NTN1: variants seen among roughly 807,000 people sequenced by gnomAD.
The protein encoded by NTN1 is netrin 1.
A neutral mutation model predicts 54.2 loss-of-function variants in NTN1; 11 were observed. The observed-to-expected ratio is 0.20, with a 90% CI of 0.13 to 0.34. The LOEUF is 0.34. NTN1 is among the 10% of genes least tolerant of loss of function. The probability of loss-of-function intolerance (pLI) is 1.00; values close to 1 mark genes in which losing one functional copy is unlikely to be tolerated. For missense variants in NTN1, 740 were observed against 893.1 expected, an observed-to-expected ratio of 0.83 and a Z score of 2.18; for synonymous variants, 371 against 382.0, an observed-to-expected ratio of 0.97 and a Z score of 0.33.
At chr17:9,010,935 G>A in the NTN1 span, among the ~76,000 whole-genome samples, 1 of 152,162 alleles carries the variant, frequency 6.6e-6, no homozygotes, top group South Asian at 2.1e-4. Context: ...TCACCATCAT[G>A]TAGAATCAGT....
chr17:9,035,852 T>C (rs1358216236), intron 2 of NTN1, among the ~76,000 whole-genome samples: 2 of 152,080 alleles, frequency 1.3e-5, no homozygotes, highest in Non-Finnish European at 2.9e-5. Context: ...TGAAACCCCA[T>C]CTCTACTAAA....
intron 6 of NTN1, among the ~76,000 whole-genome samples, chr17:9,237,985 A>G (rs1906048443): frequency 6.6e-6 from 1 of 152,190 alleles, no homozygotes; most frequent in Admixed American, 6.5e-5. Context: ...TGAAATGAAA[A>G]TACGGGAAAA....
chr17:9,051,187 A>G (rs2091959479), intron 2 of NTN1, among the ~76,000 whole-genome samples: 1 of 152,226 alleles, frequency 6.6e-6, no homozygotes, highest in African/African-American at 2.4e-5. Flanking sequence ...ACCGACTTCA[A>G]ACAAAAAGGG....
chr17:9,153,975 T>G (rs1031264011), intron 2 of NTN1, among the ~76,000 whole-genome samples: 6 of 152,184 alleles, frequency 3.9e-5, no homozygotes, highest in African/African-American at 1.2e-4. Context: ...TTAAAATGGT[T>G]GAAACGAGGC....
At chr17:9,091,386 C>A (rs2092109892) in intron 2 of NTN1, among the ~76,000 whole-genome samples, 2 of 151,792 alleles carry the variant, frequency 1.3e-5, no homozygotes, top group South Asian at 4.2e-4. Flanking sequence ...TCCCCAGTAG[C>A]TGGAACTACA....
At chr17:9,215,835 C>T (rs538996369) in intron 5 of NTN1, among the ~76,000 whole-genome samples, 1 of 152,284 alleles carries the variant, frequency 6.6e-6, no homozygotes, top group Admixed American at 6.5e-5. Flanking sequence ...CTTCAGTGAG[C>T]TCTTTCCTTC....
At chr17:9,037,992 C>G (rs1173960299) in intron 2 of NTN1, among the ~76,000 whole-genome samples, 1 of 152,178 alleles carries the variant, frequency 6.6e-6, no homozygotes, top group Non-Finnish European at 1.5e-5. Context: ...TTGCTGCTCA[C>G]TCAGTCTGTT....
chr17:9,022,315 C>A lies in NTN1; in HGVS notation c.-59C>A. The A allele has an allele frequency of 7.9e-7, 1 of 1,262,854 alleles. No homozygotes were observed. The highest frequency in any genetic ancestry group is 9.9e-7 in the Non-Finnish European group (1 of 1,008,892). The allele number at this position is 1,262,854 out of a possible 1,614,324, so 78.2% of individuals were successfully genotyped here. A position where few individuals can be genotyped will look rare whatever the true frequency, so the allele number is the denominator to read the frequency against. On this transcript the variant is annotated 5_prime_UTR_variant, in exon 2 of 7. Transcript: ENST00000173229. ...GCAGCTCCCTTCTCTCCGCAGGCGC[C>A]TTCTGCGGCAGGCGGACAGATCCTC...
chr17:9,130,084 C>T (rs375398067), intron 2 of NTN1, among the ~76,000 whole-genome samples: 30 of 152,240 alleles, frequency 2.0e-4, no homozygotes, highest in South Asian at 1.0e-3. Flanking sequence ...TGCTGGGACA[C>T]GTGCAGGGGA....
At chr17:9,095,004 A>AG (rs1034294613) in intron 2 of NTN1, among the ~76,000 whole-genome samples, 30 of 151,126 alleles carry the variant, frequency 2.0e-4, no homozygotes, top group South Asian at 1.0e-3. Flanking sequence ...AAAAAAAAAA[A>AG]AAAAAAAAGA....
chr17:9,145,268 T>TG (rs1286391417), intron 2 of NTN1, among the ~76,000 whole-genome samples: 1 of 152,236 alleles, frequency 6.6e-6, no homozygotes, highest in Non-Finnish European at 1.5e-5. Flanking sequence ...CCTCCAACCC[T>TG]GACTTGTACT....
intron 2 of NTN1, among the ~76,000 whole-genome samples, chr17:9,094,719 G>A (rs915075496): frequency 6.6e-6 from 1 of 151,854 alleles, no homozygotes; most frequent in African/African-American, 2.4e-5. Flanking sequence ...AGCCAGGTGC[G>A]GTGGCTCACA....
At chr17:9,138,738 G>A (rs376233222) in intron 2 of NTN1, among the ~76,000 whole-genome samples, 15 of 152,308 alleles carry the variant, frequency 9.8e-5, no homozygotes, top group African/African-American at 3.6e-4. Context: ...TACCAGGGAG[G>A]GGCAGAGCTG....
intron 6 of NTN1, among the ~76,000 whole-genome samples, chr17:9,235,750 CTT>C (rs1163805143): frequency 7.9e-5 from 4 of 50,848 alleles, no homozygotes; most frequent in Admixed American, 4.0e-4. Flanking sequence ...TTTTTTTTTT[CTT>C]TTTTTTTTTT....
intron 2 of NTN1, among the ~76,000 whole-genome samples, chr17:9,072,210 C>A (rs531892956): frequency 6.6e-6 from 1 of 151,888 alleles, no homozygotes; most frequent in Admixed American, 6.6e-5. Flanking sequence ...TTCACACCAG[C>A]CCCCTCCCGG....
intron 2 of NTN1, among the ~76,000 whole-genome samples, chr17:9,133,530 G>T (rs1383102908): frequency 6.6e-6 from 1 of 152,072 alleles, no homozygotes; most frequent in Non-Finnish European, 1.5e-5. Flanking sequence ...TTCTTGTCCT[G>T]GCTGGAAAGC....
At chr17:9,191,670 T>C (rs1246135434) in intron 5 of NTN1, among the ~76,000 whole-genome samples, 2 of 152,064 alleles carry the variant, frequency 1.3e-5, no homozygotes, top group Admixed American at 6.6e-5. Context: ...TTTGTACAAA[T>C]GGCAATATGC....
chr17:9,156,930 G>GTCCATCCATCCATCCATGCA (rs2092344293), intron 2 of NTN1, among the ~76,000 whole-genome samples: 2 of 151,116 alleles, frequency 1.3e-5, no homozygotes, highest in African/African-American at 4.9e-5. Context: ...CCATGCATGC[G>GTCCATCCATCCATCCATGCA]TCCATCCATC....
At chr17:9,067,043 G>A (rs2092017427) in intron 2 of NTN1, among the ~76,000 whole-genome samples, 1 of 150,084 alleles carries the variant, frequency 6.7e-6, no homozygotes, top group African/African-American at 2.5e-5. Context: ...TCGGCACTTT[G>A]GGAGGCCGAG....
Sources: allele counts gnomAD v4.1 joint callset (sites outside exome capture counted in the v4.1 genomes callset), GRCh38; gene constraint gnomAD v4.1.1; transcripts MANE v1.5; gene names NCBI Gene and HGNC (gene_info 2026-07-23, HGNC 2026-07-21).